SPAG16: variants seen among roughly 807,000 people sequenced by gnomAD.
The protein encoded by SPAG16 is sperm-associated antigen 16 protein.
SPAG16 carries 86 observed loss-of-function variants against 80.4 expected under a neutral mutation model. The ratio of observed to expected loss-of-function variants is 1.07; its 90% confidence interval spans 0.90 to 1.28. The LOEUF (loss-of-function observed/expected upper bound fraction) is 1.28. Among genes scored for constraint, SPAG16 ranks in the 50% most tolerant of loss-of-function variants. The probability of loss-of-function intolerance (pLI) is 0.00; values close to 1 mark genes in which losing one functional copy is unlikely to be tolerated. For synonymous variants in SPAG16, 294 were observed against 265.9 expected, an observed-to-expected ratio of 1.11 and a Z score of -1.03; for missense variants, 870 against 765.3, an observed-to-expected ratio of 1.14 and a Z score of -1.61.
chr2:213,476,333 C>G (rs962105916), intron 9 of SPAG16, among the ~76,000 whole-genome samples: 1 of 152,198 alleles, frequency 6.6e-6, no homozygotes, highest in African/African-American at 2.4e-5. Context: ...CAGATACCTT[C>G]AATTGCCCCA....
chr2:213,408,641 C>G (rs2068797020), intron 9 of SPAG16, among the ~76,000 whole-genome samples: 1 of 152,198 alleles, frequency 6.6e-6, no homozygotes, highest in Admixed American at 6.5e-5. Context: ...CCCTTCAGGA[C>G]AGGACCATAG....
chr2:213,880,598 A>G (rs1305970789), intron 11 of SPAG16, among the ~76,000 whole-genome samples: 1 of 152,176 alleles, frequency 6.6e-6, no homozygotes, highest in African/African-American at 2.4e-5. Context: ...TAGGATTTTT[A>G]TAGTTTGAGG....
chr2:213,972,760 T>A (rs982155252), intron 12 of SPAG16, among the ~76,000 whole-genome samples: 4 of 152,178 alleles, frequency 2.6e-5, no homozygotes, highest in Admixed American at 6.5e-5. Flanking sequence ...GTCTTCTTGT[T>A]GTTGGCTTGC....
chr2:214,198,908 A>G (rs111683743), intron 15 of SPAG16, among the ~76,000 whole-genome samples: 1 of 151,974 alleles, frequency 6.6e-6, no homozygotes, highest in Non-Finnish European at 1.5e-5. Context: ...TCTTCTTTTG[A>G]GAACTCTCTA....
At chr2:214,370,773 A>G (rs985529839) in intron 15 of SPAG16, among the ~76,000 whole-genome samples, 1 of 152,196 alleles carries the variant, frequency 6.6e-6, no homozygotes, top group Non-Finnish European at 1.5e-5. Flanking sequence ...CAAGCTTTCA[A>G]TTTTAAGACA....
intron 9 of SPAG16, among the ~76,000 whole-genome samples, chr2:213,401,188 T>G (rs1436636317): frequency 1.3e-5 from 2 of 152,242 alleles, no homozygotes; most frequent in Non-Finnish European, 2.9e-5. Flanking sequence ...AACCTGACTC[T>G]ACAGAAGCTT....
At chr2:214,068,256 T>G (rs2050623189) in intron 13 of SPAG16, among the ~76,000 whole-genome samples, 1 of 152,210 alleles carries the variant, frequency 6.6e-6, no homozygotes, top group South Asian at 2.1e-4. Context: ...TATGCCATTT[T>G]GTGATTATTT....
intron 10 of SPAG16, among the ~76,000 whole-genome samples, chr2:213,676,244 CTT>C (rs2064068117): frequency 6.6e-6 from 1 of 152,214 alleles, no homozygotes; most frequent in African/African-American, 2.4e-5. Flanking sequence ...TATCCTGAGA[CTT>C]TGCTAAAGTT....
chr2:214,327,177 T>A (rs879727376), intron 15 of SPAG16, among the ~76,000 whole-genome samples: 11 of 152,210 alleles, frequency 7.2e-5, no homozygotes, highest in African/African-American at 2.7e-4. Context: ...AATGTTCACA[T>A]TATAATCAAA....
At chr2:213,843,113 CT>C (rs199599468) in intron 10 of SPAG16, among the ~76,000 whole-genome samples, 290 of 144,584 alleles carry the variant, frequency 2.0e-3, no homozygotes, top group East Asian at 0.011. Context: ...TTGTAGACAT[CT>C]TTTTTTTTTT....
intron 9 of SPAG16, among the ~76,000 whole-genome samples, chr2:213,446,834 G>A (rs922457910): frequency 6.6e-6 from 1 of 152,136 alleles, no homozygotes; most frequent in Non-Finnish European, 1.5e-5. Context: ...TACCCTCTGT[G>A]CCTCAGACAT....
At chr2:214,068,764 T>G (rs2050646594) in intron 13 of SPAG16, among the ~76,000 whole-genome samples, 1 of 152,042 alleles carries the variant, frequency 6.6e-6, no homozygotes, top group South Asian at 2.1e-4. Context: ...GCTCCCAGAC[T>G]AATGGACTTG....
At chr2:213,467,363 A>G (rs1031981183) in intron 9 of SPAG16, among the ~76,000 whole-genome samples, 1 of 152,190 alleles carries the variant, frequency 6.6e-6, no homozygotes. Context: ...GGAGACAAAG[A>G]GCCTGCCTTG....
intron 15 of SPAG16, chr2:214,280,561 C>T (rs1401775179): frequency 5.3e-6 from 1 of 190,390 alleles, no homozygotes; most frequent in Non-Finnish European, 1.1e-5. Context: ...AATAGATCCA[C>T]ATATGGGCAA....
intron 10 of SPAG16, among the ~76,000 whole-genome samples, chr2:213,505,749 A>G (rs1159604480): frequency 1.3e-5 from 2 of 152,092 alleles, no homozygotes; most frequent in Non-Finnish European, 2.9e-5. Context: ...CCCTATTAAC[A>G]ATTTGGATAA....
chr2:213,370,563 C>T (rs1199617635), intron 8 of SPAG16, among the ~76,000 whole-genome samples: 2 of 147,994 alleles, frequency 1.4e-5, no homozygotes, highest in Non-Finnish European at 2.9e-5. Context: ...ACTAAATAGT[C>T]TGAAAAAGAA....
At chr2:214,163,341 C>G (rs796307270) in intron 15 of SPAG16, among the ~76,000 whole-genome samples, 8 of 151,788 alleles carry the variant, frequency 5.3e-5, no homozygotes, top group African/African-American at 1.9e-4. Context: ...CTTTTTATGG[C>G]AATTTGTTTT....
chr2:213,960,584 T>G (rs2044363168), intron 12 of SPAG16, among the ~76,000 whole-genome samples: 1 of 152,204 alleles, frequency 6.6e-6, no homozygotes, highest in Admixed American at 6.5e-5. Flanking sequence ...TTCCTATTGT[T>G]GTAGGCAGTC....
chr2:213,295,200 C>T (rs745742627), intron 1 of SPAG16, among the ~76,000 whole-genome samples: 41 of 152,004 alleles, frequency 2.7e-4, no homozygotes, highest in Non-Finnish European at 5.6e-4. Context: ...TTAAACTTGG[C>T]ATAACCGAGT....
Sources: gnomAD v4.1 joint callset for allele counts (sites outside exome capture counted in the v4.1 genomes callset) on GRCh38, gnomAD v4.1.1 for gene constraint, MANE v1.5 for transcripts, NCBI Gene and HGNC (gene_info 2026-07-23, HGNC 2026-07-21) for gene names.